IGFBP7: variants seen among roughly 807,000 people sequenced by gnomAD.
The protein encoded by IGFBP7 is insulin like growth factor binding protein 7.
Under a neutral mutation model 29.4 loss-of-function variants are expected in IGFBP7, and 31 were observed. The ratio of observed to expected loss-of-function variants is 1.05; its 90% confidence interval spans 0.79 to 1.42. The LOEUF is 1.42. Ranked by LOEUF, IGFBP7 falls within the 40% of genes most tolerant of loss-of-function variation. The pLI is 0.00. For synonymous variants in IGFBP7, 172 were observed against 174.9 expected (o/e 0.98, Z 0.13); for missense variants, 393 against 395.5 (o/e 0.99, Z 0.05).
chr4:57,097,698 C>T (rs1725794645), intron 1 of IGFBP7, among the ~76,000 whole-genome samples: 1 of 151,960 alleles, frequency 6.6e-6, no homozygotes, highest in African/African-American at 2.4e-5. Flanking sequence ...GTTATTATAC[C>T]TGTCTTGCAG....
At chr4:57,068,881 CT>C (rs34976333) in intron 1 of IGFBP7, among the ~76,000 whole-genome samples, 55 of 150,582 alleles carry the variant, frequency 3.7e-4, no homozygotes, top group South Asian at 1.0e-3. Context: ...CCATTTGCTA[CT>C]TTTTTTTTTA....
chr4:57,049,350 C>T (rs982576135), intron 1 of IGFBP7, among the ~76,000 whole-genome samples: 3 of 152,020 alleles, frequency 2.0e-5, no homozygotes, highest in Admixed American at 6.6e-5. Context: ...TTTTTTGCTT[C>T]GTTGCTTTCT....
intron 2 of IGFBP7, among the ~76,000 whole-genome samples, chr4:57,034,334 C>A (rs1176340349): frequency 6.6e-6 from 1 of 151,694 alleles, no homozygotes; most frequent in African/African-American, 2.4e-5. Context: ...TATTTTAAGC[C>A]TTGTGATAAT....
chr4:57,069,999 T>C (rs1002699358), intron 1 of IGFBP7, among the ~76,000 whole-genome samples: 4 of 152,146 alleles, frequency 2.6e-5, no homozygotes. Flanking sequence ...GAGAATTGCT[T>C]GAACCCCAGA....
chr4:57,109,856 G>A (rs199683872), intron 1 of IGFBP7, 21 bp downstream of exon 1: 2 of 1,534,224 alleles, frequency 1.3e-6, no homozygotes, highest in Non-Finnish European at 1.7e-6. Flanking sequence ...CAGGGTTGGA[G>A]AGGGAAGCGC....
intron 1 of IGFBP7, among the ~76,000 whole-genome samples, chr4:57,084,872 C>A (rs1560504913): frequency 7.2e-6 from 1 of 139,448 alleles, no homozygotes; most frequent in Non-Finnish European, 1.5e-5. Context: ...CTCACTGCAA[C>A]CTCAGACTCC....
At chr4:57,077,847 A>G (rs568005963) in intron 1 of IGFBP7, among the ~76,000 whole-genome samples, 3 of 152,348 alleles carry the variant, frequency 2.0e-5, no homozygotes, top group Middle Eastern at 3.4e-3. Context: ...TCTCATCTAC[A>G]GAATGGGGTA....
At chr4:57,060,325 T>C (rs1234754341) in intron 1 of IGFBP7, among the ~76,000 whole-genome samples, 1 of 152,196 alleles carries the variant, frequency 6.6e-6, no homozygotes, top group African/African-American at 2.4e-5. Flanking sequence ...ACTCACCAGA[T>C]CAACTCAAAG....
At chr4:57,049,736 C>T (rs576565363) in intron 1 of IGFBP7, among the ~76,000 whole-genome samples, 200 of 152,172 alleles carry the variant, frequency 1.3e-3, no homozygotes, top group African/African-American at 3.7e-3. Context: ...AGCATCCTGT[C>T]GGAATCAGAA....
chr4:57,076,073 A>G (rs753542141), intron 1 of IGFBP7, among the ~76,000 whole-genome samples: 5 of 152,236 alleles, frequency 3.3e-5, no homozygotes, highest in Non-Finnish European at 7.3e-5. Context: ...TGGGAAGTCC[A>G]AGATCAGGGT....
intron 1 of IGFBP7, among the ~76,000 whole-genome samples, chr4:57,056,140 C>A (rs2109760679): frequency 6.6e-6 from 1 of 152,234 alleles, no homozygotes; most frequent in East Asian, 1.9e-4. Context: ...TCCAGCTTGG[C>A]CCCTCTGGTC....
At chr4:57,037,860 T>TCCCC (rs527416418) in intron 2 of IGFBP7, among the ~76,000 whole-genome samples, 122 of 152,206 alleles carry the variant, frequency 8.0e-4, no homozygotes, top group South Asian at 2.9e-3. Flanking sequence ...TTTCTCCACC[T>TCCCC]CCCCACACCC....
intron 1 of IGFBP7, among the ~76,000 whole-genome samples, chr4:57,083,351 G>A (rs1718860): frequency 0.66 from 100,317 of 152,072 alleles, 34,314 homozygotes; most frequent in Middle Eastern, 0.78. Flanking sequence ...TAAGCTGAAC[G>A]GGGAAACATT....
chr4:57,089,053 A>G (rs1395583115), intron 1 of IGFBP7, among the ~76,000 whole-genome samples: 1 of 151,476 alleles, frequency 6.6e-6, no homozygotes, highest in African/African-American at 2.4e-5. Context: ...AAAAAAAAAA[A>G]AGAGAGGCAA....
At position 57,048,063 on chromosome 4, in the gene IGFBP7, T is replaced by C. The variant is rs188691935; in HGVS notation, c.476-7130A>G. Reference sequence around the variant, plus strand: ...CTTTGCCCCCCTCCGCCCCCCTTTTTTTTTTTGAGACGGAGTCTTGCTCTG... The same window carrying C: ...CTTTGCCCCCCTCCGCCCCCCTTTTCTTTTTTGAGACGGAGTCTTGCTCTG... On this transcript the variant is annotated intron_variant, in intron 1 of 4. Transcript: ENST00000295666. Among the ~76,000 whole-genome samples the C allele has an allele frequency of 5.0e-4, 75 of 151,276 alleles. 2 individuals are homozygous for C. Among genetic ancestry groups the C allele is most frequent in the Admixed American group, 4.1e-3 (63 of 15,200 alleles).
At chr4:57,034,839 A>G (rs1011295224) in intron 2 of IGFBP7, among the ~76,000 whole-genome samples, 19 of 152,110 alleles carry the variant, frequency 1.2e-4, no homozygotes, top group Non-Finnish European at 4.4e-5. Flanking sequence ...CATTGCCACT[A>G]TTAGTGAGAG....
intron 1 of IGFBP7, among the ~76,000 whole-genome samples, chr4:57,100,844 A>G (rs1228627206): frequency 6.6e-6 from 1 of 152,262 alleles, no homozygotes; most frequent in Non-Finnish European, 1.5e-5. Flanking sequence ...GTAGCAGAAT[A>G]TCTAAAGTAA....
At chr4:57,036,113 G>A (rs376924080) in intron 2 of IGFBP7, among the ~76,000 whole-genome samples, 8 of 152,318 alleles carry the variant, frequency 5.3e-5, no homozygotes, top group African/African-American at 1.9e-4. Flanking sequence ...ATATTACGTA[G>A]CTGTTGAGAA....
chr4:57,038,232 C>A (rs1181861339), intron 2 of IGFBP7, among the ~76,000 whole-genome samples: 1 of 152,198 alleles, frequency 6.6e-6, no homozygotes, highest in Non-Finnish European at 1.5e-5. Flanking sequence ...TTGAGCCCTT[C>A]GTGGGATTTT....
Sources: gnomAD v4.1 joint callset for allele counts (sites outside exome capture counted in the v4.1 genomes callset) on GRCh38, gnomAD v4.1.1 for gene constraint, MANE v1.5 for transcripts, NCBI Gene and HGNC (gene_info 2026-07-23, HGNC 2026-07-21) for gene names.